The following PGCKA1 variants were observed in gnomAD, a reference collection of about 807,000 sequenced individuals.
The protein encoded by PGCKA1 is PDCD10 and GCKIII kinases-associated protein 1.
At chr4:37,488,751 C>T in the PGCKA1 span, among the ~76,000 whole-genome samples, 2 of 152,076 alleles carry the variant, frequency 1.3e-5, no homozygotes, top group African/African-American at 4.8e-5. Flanking sequence ...AGACCTTCTT[C>T]AAGTGATTAT....
chr4:37,495,176 T>C, the PGCKA1 span, among the ~76,000 whole-genome samples: 1 of 152,112 alleles, frequency 6.6e-6, no homozygotes, highest in Non-Finnish European at 1.5e-5. Flanking sequence ...AAAATCACAA[T>C]GAGATACCAT....
the PGCKA1 span, among the ~76,000 whole-genome samples, chr4:37,567,144 CATT>C: frequency 3.9e-5 from 6 of 152,166 alleles, no homozygotes; most frequent in Non-Finnish European, 8.8e-5. Flanking sequence ...ACAATAACAA[CATT>C]AATAATACCT....
the PGCKA1 span, among the ~76,000 whole-genome samples, chr4:37,507,018 T>A: frequency 6.6e-6 from 1 of 152,144 alleles, no homozygotes; most frequent in Non-Finnish European, 1.5e-5. Context: ...GTCAACTCCT[T>A]TATTATTACA....
At chr4:37,482,003 C>T in the PGCKA1 span, among the ~76,000 whole-genome samples, 1 of 152,180 alleles carries the variant, frequency 6.6e-6, no homozygotes, top group African/African-American at 2.4e-5. Flanking sequence ...TGTTTACTTT[C>T]CTTTCTGCCA....
the PGCKA1 span, among the ~76,000 whole-genome samples, chr4:37,511,988 G>A: frequency 0.06 from 9,102 of 152,236 alleles, 480 homozygotes; most frequent in South Asian, 0.16. Flanking sequence ...GCTGAGTACA[G>A]CCTGGTTTTG....
At chr4:37,519,893 G>T in the PGCKA1 span, among the ~76,000 whole-genome samples, 1 of 151,974 alleles carries the variant, frequency 6.6e-6, no homozygotes, top group African/African-American at 2.4e-5. Context: ...ACTAGCTGTG[G>T]GTCTGTCATA....
the PGCKA1 span, among the ~76,000 whole-genome samples, chr4:37,503,614 T>A: frequency 1.3e-5 from 2 of 152,238 alleles, no homozygotes; most frequent in African/African-American, 4.8e-5. Flanking sequence ...CACCAGTATT[T>A]GTTATTGCCT....
chr4:37,577,029 T>C, the PGCKA1 span, among the ~76,000 whole-genome samples: 1 of 152,156 alleles, frequency 6.6e-6, no homozygotes, highest in Non-Finnish European at 1.5e-5. Flanking sequence ...TCAGGGATAT[T>C]GGCCTGTAGT....
At chr4:37,545,550 T>C in the PGCKA1 span, among the ~76,000 whole-genome samples, 6 of 152,248 alleles carry the variant, frequency 3.9e-5, no homozygotes, top group East Asian at 5.8e-4. Context: ...ACCATCTAAA[T>C]TGGGCTAATC....
At chr4:37,473,818 A>C in the PGCKA1 span, among the ~76,000 whole-genome samples, 1 of 152,062 alleles carries the variant, frequency 6.6e-6, no homozygotes, top group Non-Finnish European at 1.5e-5. Context: ...TGATACCCAA[A>C]TGCCTTTCTC....
At chr4:37,564,243 C>T in the PGCKA1 span, among the ~76,000 whole-genome samples, 5 of 144,040 alleles carry the variant, frequency 3.5e-5, no homozygotes, top group Admixed American at 2.1e-4. Context: ...CACTGCACTC[C>T]AGCCTGGGTG....
At chr4:37,573,090 T>C in the PGCKA1 span, among the ~76,000 whole-genome samples, 2 of 152,364 alleles carry the variant, frequency 1.3e-5, no homozygotes, top group African/African-American at 4.8e-5. Context: ...AAGTAAGTTG[T>C]GGACCTCATG....
the PGCKA1 span, among the ~76,000 whole-genome samples, chr4:37,518,006 CAT>C: frequency 6.6e-6 from 1 of 152,202 alleles, no homozygotes; most frequent in Non-Finnish European, 1.5e-5. Flanking sequence ...TAAGTGAGAA[CAT>C]GTGATGTCTG....
chr4:37,465,496 G>A, the PGCKA1 span, among the ~76,000 whole-genome samples: 16 of 152,274 alleles, frequency 1.1e-4, no homozygotes, highest in Admixed American at 3.3e-4. Flanking sequence ...AGGGGAGGGC[G>A]AAGGGCATGC....
the PGCKA1 span, among the ~76,000 whole-genome samples, chr4:37,586,853 C>T: frequency 1.3e-5 from 2 of 152,092 alleles, no homozygotes; most frequent in East Asian, 1.9e-4. Flanking sequence ...GAGGTTGCAG[C>T]GAGCCGAGAT....
At chr4:37,457,935 T>C in the PGCKA1 span, among the ~76,000 whole-genome samples, 2 of 152,228 alleles carry the variant, frequency 1.3e-5, no homozygotes, top group Admixed American at 1.3e-4. Flanking sequence ...AGCCAAATGC[T>C]AGGCAGCAAA....
the PGCKA1 span, among the ~76,000 whole-genome samples, chr4:37,547,584 G>A: frequency 6.1e-3 from 929 of 152,294 alleles, 9 homozygotes; most frequent in African/African-American, 0.021. Flanking sequence ...TTGGCCACCA[G>A]AAGGAAGCCT....
At chr4:37,469,272 G>A in the PGCKA1 span, among the ~76,000 whole-genome samples, 1 of 152,180 alleles carries the variant, frequency 6.6e-6, no homozygotes, top group African/African-American at 2.4e-5. Flanking sequence ...AGCAATGAAT[G>A]ACTAAATGAT....
chr4:37,476,593 G>A, the PGCKA1 span, among the ~76,000 whole-genome samples: 1 of 152,106 alleles, frequency 6.6e-6, no homozygotes, highest in South Asian at 2.1e-4. Flanking sequence ...TCAAATCCCA[G>A]CCCTAGAACT....
Sources: gnomAD v4.1 joint callset for allele counts (sites outside exome capture counted in the v4.1 genomes callset) on GRCh38, gnomAD v4.1.1 for gene constraint, MANE v1.5 for transcripts, NCBI Gene and HGNC (gene_info 2026-07-23, HGNC 2026-07-21) for gene names.